The following CROT variants were observed in gnomAD, a reference collection of about 807,000 sequenced individuals.
The protein encoded by CROT is carnitine O-octanoyltransferase.
In CROT, 84 loss-of-function variants were observed where a neutral mutation model predicts 89.2. The ratio of observed to expected loss-of-function variants is 0.94; its 90% CI spans 0.79 to 1.13. The LOEUF is 1.13. Among genes scored for constraint, CROT ranks in the 50% most tolerant of loss-of-function variants. CROT has a pLI of 0.00. For synonymous variants in CROT, 212 were observed against 239.5 expected (o/e 0.89, Z 1.06); for missense variants, 711 against 727.8 (o/e 0.98, Z 0.27).
chr7:87,361,776 T>G lies in CROT; in HGVS notation c.471T>G (p.Asn157Lys). 1 of 1,609,100 alleles carries G rather than the reference T, an allele frequency of 6.2e-7. No individual in the cohort carries two copies. Among genetic ancestry groups the G allele is most frequent in the East Asian group, 2.2e-5 (1 of 44,816 alleles). The change falls in exon 6 of 18, where the codon AAT (asparagine) becomes AAG (lysine). Residue 157 changes from asparagine to lysine, a missense_variant. Physicochemically the swap from Asn to Lys is moderately conservative, Grantham distance 94 (BLOSUM62 0). Coordinates refer to ENST00000331536, the MANE Select transcript of CROT (RefSeq NM_021151.4). Reference protein sequence around the residue: ...HKVGNTPLDMNQFRMLFSTCK... With the variant: ...HKVGNTPLDMKQFRMLFSTCK... ...TTGGAAATACTCCTCTAGATATGAA[T>G]CAATTCCGAATGCTATTTTCTACCT...
At chr7:87,375,802 T>C in intron 8 of CROT, 26 bp from the exon 9 acceptor site, 1 of 1,612,968 alleles carries the variant, frequency 6.2e-7, no homozygotes, top group Non-Finnish European at 8.5e-7. Context: ...GTTGTAATAT[T>C]TGATCATCAT....
intron 14 of CROT, 28 bp downstream of exon 14, chr7:87,391,740 C>T (rs779071089): frequency 6.3e-7 from 1 of 1,595,118 alleles, no homozygotes; most frequent in African/African-American, 1.4e-5. Flanking sequence ...AAAAAACTCA[C>T]AAGATTTGTT....
In CROT at chr7:87,369,525, T is replaced by C. The variant is rs759399968; in HGVS notation, c.656+41T>C. 2.9e-6 allele frequency: 4 copies of C among 1,379,122 alleles called. No homozygotes were observed. In the East Asian group the frequency reaches 7.1e-5, roughly 24 times the overall value. 85.4% of individuals were successfully genotyped at this position (1,379,122 alleles called of 1,614,324 possible). On this transcript the variant is annotated intron_variant, in intron 7 of 17. Transcript: ENST00000331536. ...TCTTGAGTTTCATTAGGTCTTATGG[T>C]GTTGCTTGAATTAAAATATACATGT...
Position 87,393,062 on chromosome 7 carries a change from T to C in CROT, c.1713T>C (p.Asp571=). 1.2e-6 allele frequency: 2 copies of C among 1,613,060 alleles called. No homozygotes were observed. Among genetic ancestry groups the C allele is most frequent in the Admixed American group, 1.7e-5 (1 of 59,890 alleles). The change falls in exon 17 of 18, where the codon GAT becomes GAC. Residue 571 remains aspartate, a synonymous_variant. Coordinates refer to ENST00000331536, the MANE Select transcript of CROT (RefSeq NM_021151.4). ...ATGGATTTTTCTACCATATCAGAGA[T>C]GACAGGTGAGGCTTCTCTTTTTTAT... ...NGYGFFYHIR[D]DRFVVACSAW... is the part of the protein sequence containing the mutation.
chr7:87,396,914 G>T (rs1807544697), intron 17 of CROT, among the ~76,000 whole-genome samples: 1 of 152,028 alleles, frequency 6.6e-6, no homozygotes, highest in African/African-American at 2.4e-5. Context: ...ATATTTTGAT[G>T]GTTGTATAAT....
At chr7:87,383,519 A>C (rs1459114871) in intron 13 of CROT, among the ~76,000 whole-genome samples, 1 of 144,244 alleles carries the variant, frequency 6.9e-6, no homozygotes, top group East Asian at 2.0e-4. Context: ...TTTTTGAGTC[A>C]GAGTCTTGCT....
At chr7:87,368,246 G>T (rs948018706) in intron 6 of CROT, among the ~76,000 whole-genome samples, 5 of 152,112 alleles carry the variant, frequency 3.3e-5, no homozygotes, top group African/African-American at 1.2e-4. Flanking sequence ...ATATCCGCCA[G>T]GTTTATTGTG....
At chr7:87,393,714 CTA>C (rs2116205935) in intron 17 of CROT, among the ~76,000 whole-genome samples, 1 of 152,194 alleles carries the variant, frequency 6.6e-6, no homozygotes, top group South Asian at 2.1e-4. Context: ...ACATTTAGCA[CTA>C]TGTGAATAAG....
chr7:87,392,816 T>C lies in CROT; in HGVS notation c.1591T>C (p.Ser531Pro), dbSNP rs753730999. 1 of 1,613,368 alleles carries C rather than the reference T, an allele frequency of 6.2e-7. No homozygotes were observed. The highest frequency in any genetic ancestry group is 1.3e-5 in the African/African-American group (1 of 74,906). ...AGAACTCTTTACGGACCCACTTTTT[T>C]CCAAAAGGTAATATAGTGTAGTGTT... ...VPELFTDPLF[S>P]KSGGGGNFVL... The change falls in exon 16 of 18, where the codon TCC (serine) becomes CCC (proline). Residue 531 changes from serine (S) to proline (P), a missense_variant. Transcript: ENST00000331536.
In CROT at chr7:87,361,416, C is replaced by G. The variant is rs188617695; in HGVS notation, c.267C>G (p.Ala89=). The change falls in exon 5 of 18, where the codon GCC becomes GCG. Residue 89 remains alanine (A), a synonymous_variant. Transcript: ENST00000331536. ...TGGAAGAGTGGTGGCTGAATGTTGC[C>G]TATCTGGATGTTCGTATACCATCAC... is the stretch of plus-strand genomic sequence containing the variant. ...NWLEEWWLNV[A]YLDVRIPSQL... 29 of 1,613,122 alleles carry G rather than the reference C, an allele frequency of 1.8e-5. No homozygotes were observed. In the African/African-American group the frequency reaches 3.7e-4, roughly 21 times the overall value.
chr7:87,381,259 CG>C (rs1806992042), intron 10 of CROT, among the ~76,000 whole-genome samples: 1 of 152,064 alleles, frequency 6.6e-6, no homozygotes, highest in South Asian at 2.1e-4. Context: ...GGGGAAAATG[CG>C]GGCAAAAACT....
intron 14 of CROT, among the ~76,000 whole-genome samples, chr7:87,391,956 G>C (rs777922041): frequency 2.0e-4 from 30 of 152,172 alleles, no homozygotes; most frequent in Non-Finnish European, 3.5e-4. Flanking sequence ...CAGTACTTTA[G>C]GTATTTCAGG....
intron 2 of CROT, among the ~76,000 whole-genome samples, chr7:87,347,849 A>G (rs1208688836): frequency 6.6e-6 from 1 of 152,134 alleles, no homozygotes; most frequent in Non-Finnish European, 1.5e-5. Flanking sequence ...GTGCAGGGAG[A>G]ACACATGCAT....
rs1306258449 is a variant in CROT, at chr7:87,363,217, A to G, written c.547+1365A>G. Among the ~76,000 whole-genome samples, 4 of 152,188 alleles carry G rather than the reference A, an allele frequency of 2.6e-5. No individual in the cohort carries two copies. The East Asian group carries it at 7.7e-4, about 29-fold the overall frequency. On this transcript the variant is annotated intron_variant, in intron 6 of 17. Transcript: ENST00000331536. ...ATTCATTAATAATGCATCTCTTGAT[A>G]TGGTGATTGAAGCTGACATAGTTAT...
At chr7:87,352,217 T>G (rs1805890802) in intron 3 of CROT, among the ~76,000 whole-genome samples, 2 of 152,228 alleles carry the variant, frequency 1.3e-5, no homozygotes, top group African/African-American at 4.8e-5. Context: ...TTTTAAAAAC[T>G]TATTTATTTT....
In CROT at chr7:87,397,052, GTTA is replaced by G. The variant is rs1807549168; in HGVS notation, c.1719-1467_1719-1465del. Among the ~76,000 whole-genome samples, 4 of 152,132 alleles carry G rather than the reference GTTA, an allele frequency of 2.6e-5. No individual in the cohort carries two copies. In the South Asian group the frequency reaches 8.3e-4, roughly 32 times the overall value. The stretch of plus-strand genomic sequence containing the variant: ...TTTCATCACACCATTGCCAACTCTA[GTTA>G]TTATAAAAATTCTGTAGGCTAGGCA... On this transcript the variant is annotated intron_variant, in intron 17 of 17. Coordinates refer to ENST00000331536, the MANE Select transcript of CROT (RefSeq NM_021151.4).
intron 7 of CROT, among the ~76,000 whole-genome samples, chr7:87,372,927 G>A (rs1562933511): frequency 6.6e-6 from 1 of 151,990 alleles, no homozygotes; most frequent in Non-Finnish European, 1.5e-5. Context: ...TATTCATAAT[G>A]CTGCCGTGAC....
Position 87,361,768 on chromosome 7 carries a change from G to C in CROT, c.463G>C (p.Asp155His). 1.2e-6 allele frequency: 2 copies of C among 1,607,292 alleles called. No individual in the cohort carries two copies. Among genetic ancestry groups the C allele is most frequent in the Non-Finnish European group, 1.7e-6 (2 of 1,177,132 alleles). The change falls in exon 6 of 18, where the codon GAT (aspartate) becomes CAT (histidine). Residue 155 changes from aspartate to histidine, a missense_variant. Physicochemically the swap from Asp to His is moderately conservative, Grantham distance 81. Transcript: ENST00000331536. ...PVHKVGNTPL[D>H]MNQFRMLFST... ...TCATAAAGTTGGAAATACTCCTCTA[G>C]ATATGAATCAATTCCGAATGCTATT... is the stretch of plus-strand genomic sequence containing the variant.
chr7:87,391,715 G>C lies in CROT; in HGVS notation c.1425+3G>C, dbSNP rs777908847. The C allele has an allele frequency of 1.2e-6, 2 of 1,602,764 alleles. No homozygotes were observed. Among genetic ancestry groups the C allele is most frequent in the Non-Finnish European group, 1.7e-6 (2 of 1,176,562 alleles). On this transcript the variant is annotated splice_donor_region_variant and intron_variant, in intron 14 of 17. Transcript: ENST00000331536. Reference sequence around the variant, plus strand: ...CCATGCAGGATCCTTCTGTCAATGTGAGTATTGGAAAGGAAAAAAACTCAC... The same window carrying C: ...CCATGCAGGATCCTTCTGTCAATGTCAGTATTGGAAAGGAAAAAAACTCAC...
Sources: allele counts gnomAD v4.1 joint callset (sites outside exome capture counted in the v4.1 genomes callset), GRCh38; gene constraint gnomAD v4.1.1; transcripts MANE v1.5; gene names NCBI Gene and HGNC (gene_info 2026-07-23, HGNC 2026-07-21).